The following SEMA3F variants were observed in gnomAD, a reference collection of about 807,000 sequenced individuals.
SEMA3F encodes the protein semaphorin 3F, also known as semaphorin-3F.
A neutral mutation model predicts 98.5 loss-of-function variants in SEMA3F; 30 were observed. The ratio of observed to expected loss-of-function variants is 0.30; its 90% CI spans 0.23 to 0.41. The LOEUF is 0.41. Among genes scored for constraint, SEMA3F ranks in the 10% least tolerant of loss-of-function variants. The pLI is 1.00. For synonymous variants in SEMA3F, 380 were observed against 444.8 expected, an observed-to-expected ratio of 0.85 and a Z score of 1.83; for missense variants, 866 against 1,119.3, an observed-to-expected ratio of 0.77 and a Z score of 3.23.
intron 5 of SEMA3F, among the ~76,000 whole-genome samples, chr3:50,174,853 A>G (rs1206512845): frequency 6.6e-6 from 1 of 152,006 alleles, no homozygotes; most frequent in South Asian, 2.1e-4. Flanking sequence ...CCATGTGGGC[A>G]TGTGTGTGAG....
rs1262134345 is a variant in SEMA3F, at chr3:50,186,695, A to C, written c.1896A>C (p.Gln632His). ...AFLECQPRSP[Q>H]ATVKWLFQRD... ...TTGAGTGCCAGCCCCGCTCGCCCCA[A>C]GCCACTGTTAAGTGGCTGTTCCAGC... Residue 632 changes from glutamine to histidine, a missense_variant, in exon 18 of 19, where the codon CAA (glutamine) becomes CAC (histidine). By Grantham distance (24) the Gln-to-His change is conservative. Around this residue, in one of 3 missense-constraint regions of SEMA3F, gnomAD observed 245 missense variants for 260.5 expected, o/e 0.94. Coordinates refer to ENST00000002829, the MANE Select transcript of SEMA3F (RefSeq NM_004186.5). The C allele has an allele frequency of 6.2e-7, 1 of 1,610,344 alleles. No homozygotes were observed. The highest frequency in any genetic ancestry group is 8.5e-7 in the Non-Finnish European group (1 of 1,176,978).
In SEMA3F at chr3:50,176,522, G is replaced by A. The variant is rs548085183; in HGVS notation, c.550-246G>A. Among the ~76,000 whole-genome samples, 59 of 152,322 alleles carry A rather than the reference G, an allele frequency of 3.9e-4. 2 individuals carry two copies. The South Asian group carries it at 0.012, about 30-fold the overall frequency. On this transcript the variant is annotated intron_variant, in intron 6 of 18. Transcript: ENST00000002829. ...CATAGCCCACAAGGCAGGGCCCCTTGAGACTTGGTCCCCAGGTCTTCCCTA... is the reference window on the plus strand; with the variant it reads ...CATAGCCCACAAGGCAGGGCCCCTTAAGACTTGGTCCCCAGGTCTTCCCTA...
At chr3:50,178,834 T>C (rs1420092362) in intron 7 of SEMA3F, among the ~76,000 whole-genome samples, 3 of 136,086 alleles carry the variant, frequency 2.2e-5, no homozygotes, top group African/African-American at 5.4e-5. Flanking sequence ...TTTTTCTTTT[T>C]TTTTTTTTTT....
In SEMA3F at chr3:50,159,804, C is replaced by T. The variant is rs569651212; in HGVS notation, c.112+70C>T. On this transcript the variant is annotated intron_variant, in intron 2 of 18. Transcript: ENST00000002829. ...CAATAGCGCTCGGCTCCTCTGCACA[C>T]GAGAGAAAGGGTGGGTCAGGACAAA... 2.3e-5 allele frequency: 24 copies of T among 1,045,220 alleles called. No homozygotes were observed. In the African/African-American group the frequency reaches 2.4e-4, roughly 10 times the overall value. The allele number at this position is 1,045,220 out of a possible 1,614,324, so 64.7% of individuals were successfully genotyped here.
At chr3:50,175,296 G>A in intron 6 of SEMA3F, 108 bp downstream of exon 6, 1 of 760,236 alleles carries the variant, frequency 1.3e-6, no homozygotes. Flanking sequence ...CTCTACCTCT[G>A]TGCCCACACC....
chr3:50,155,458 G>C lies in SEMA3F; in HGVS notation c.-155G>C, dbSNP rs923040137. On this transcript the variant is annotated 5_prime_UTR_variant, in exon 1 of 19. Transcript: ENST00000002829. This position sits in a 1 kb window ranked among gnomAD's most constrained non-coding sequence, Gnocchi z 4.9. ...CTGAGGCGCAGCGGCGAGAGGTCGC[G>C]GGCAGGGCCATGGCCCCGGGGGGCC... 7 of 295,090 alleles carry C rather than the reference G, an allele frequency of 2.4e-5. No homozygotes were observed. The highest frequency in any genetic ancestry group is 3.1e-5 in the Non-Finnish European group (5 of 161,586). The allele number at this position is 295,090 out of a possible 1,614,324, so 18.3% of individuals were successfully genotyped here.
At chr3:50,186,525 A>T in intron 17 of SEMA3F, 88 bp from the exon 18 acceptor site, 1 of 1,505,846 alleles carries the variant, frequency 6.6e-7, no homozygotes, top group Non-Finnish European at 9.1e-7. Context: ...TACATTGGTG[A>T]GTGGGTGCCC....
At chr3:50,186,109 GGGGGTGCATGTGATATTACCC>G (rs1699201002) in intron 16 of SEMA3F, 63 bp downstream of exon 16, 17 of 1,541,450 alleles carry the variant, frequency 1.1e-5, no homozygotes, top group Admixed American at 3.7e-5. Context: ...CTAGGGGATT[GGGGGTGCATGTGATATTACCC>G]GGGGTGCATG....
chr3:50,172,857 G>A (rs1252949760), intron 2 of SEMA3F, among the ~76,000 whole-genome samples: 4 of 152,140 alleles, frequency 2.6e-5, no homozygotes, highest in Non-Finnish European at 2.9e-5. Context: ...AGAGTCTGCC[G>A]GCTGTCCCAG....
intron 2 of SEMA3F, among the ~76,000 whole-genome samples, chr3:50,161,605 TTCCCCTG>T (rs1342238124): frequency 3.3e-5 from 5 of 152,210 alleles, no homozygotes; most frequent in African/African-American, 1.2e-4. Flanking sequence ...CACAGGCAGG[TTCCCCTG>T]CCCTGAATGA....
At chr3:50,183,899 A>C (rs1699112223) in intron 12 of SEMA3F, among the ~76,000 whole-genome samples, 1 of 151,970 alleles carries the variant, frequency 6.6e-6, no homozygotes, top group African/African-American at 2.4e-5. Context: ...ACAGGAGGCA[A>C]AGAGCTGGGG....
At chr3:50,185,361 C>A (rs1169413887) in intron 13 of SEMA3F, 82 bp from the exon 14 acceptor site, 2 of 1,345,012 alleles carry the variant, frequency 1.5e-6, no homozygotes, top group Non-Finnish European at 1.0e-6. Context: ...GGGGTTTGGG[C>A]CCTGGTGGGG....
intron 1 of SEMA3F, among the ~76,000 whole-genome samples, chr3:50,157,532 C>T (rs543335744): frequency 1.6e-4 from 25 of 152,176 alleles, no homozygotes; most frequent in Non-Finnish European, 3.4e-4. Context: ...ACAGGCATCT[C>T]GGGACTGGCA....
At position 50,158,658 on chromosome 3, in the gene SEMA3F, G is replaced by T. The variant is rs1698087647; in HGVS notation, c.-48-917G>T. ...CAGTCTCGATGCCCCCACCCGCAGT[G>T]CATCCGGTTGGGGGTGGTGGTAGGA... On this transcript the variant is annotated intron_variant, in intron 1 of 18. Transcript: ENST00000002829. The surrounding 1 kb of genome is among the most constrained non-coding windows in gnomAD (Gnocchi z 4.8). Among the ~76,000 whole-genome samples the T allele has an allele frequency of 6.6e-6, 1 of 152,244 alleles. No individual in the cohort carries two copies. The highest frequency in any genetic ancestry group is 1.5e-5 in the Non-Finnish European group (1 of 68,040).
rs59949761 is a variant in SEMA3F, at chr3:50,188,174, GATATAT to G, written c.*79_*84del. The G allele has an allele frequency of 1.4e-4, 42 of 299,238 alleles. No individual in the cohort carries two copies. The highest frequency in any genetic ancestry group is 1.0e-3 in the Middle Eastern group (1 of 960). 18.5% of individuals were successfully genotyped at this position (299,238 alleles called of 1,614,324 possible). ...AGCCCTTGTCCCTTTTAATATAAAA[GATATAT>G]ATATATATATATATATATAAAATAT... On this transcript the variant is annotated 3_prime_UTR_variant, in exon 19 of 19. Transcript: ENST00000002829. This position sits in a 1 kb window ranked among gnomAD's most constrained non-coding sequence, Gnocchi z 4.5.
In SEMA3F at chr3:50,182,561, G is replaced by A. The variant is rs1200154096; in HGVS notation, c.764-83G>A. 32 of 1,583,288 alleles carry A rather than the reference G, an allele frequency of 2.0e-5. No individual in the cohort carries two copies. Among genetic ancestry groups the A allele is most frequent in the Non-Finnish European group, 2.8e-5 (32 of 1,160,368 alleles). ...CTGGAGAGGAGTTGGGGGTGTTCTT[G>A]CACCTGGCTGGGGATTCTGTTGGAG... On this transcript the variant is annotated intron_variant, in intron 8 of 18. Transcript: ENST00000002829. This position sits in a 1 kb window ranked among gnomAD's most constrained non-coding sequence, Gnocchi z 4.5.
chr3:50,184,285 A>T (rs551124345), intron 12 of SEMA3F: 11 of 434,820 alleles, frequency 2.5e-5, no homozygotes, highest in African/African-American at 1.4e-4. Flanking sequence ...AGGAACAACC[A>T]GAGAGGAAGG....
At position 50,159,597 on chromosome 3, in the gene SEMA3F, T is replaced by C. The variant is rs1459492728; in HGVS notation, c.-26T>C. The C allele has an allele frequency of 1.4e-6, 2 of 1,435,284 alleles. No homozygotes were observed. Among genetic ancestry groups the C allele is most frequent in the Middle Eastern group, 1.8e-4 (1 of 5,714 alleles). 88.9% of individuals were successfully genotyped at this position (1,435,284 alleles called of 1,614,324 possible). On this transcript the variant is annotated 5_prime_UTR_variant, in exon 2 of 19. Transcript: ENST00000002829. ...CAGGTTTCTAGAGAGTGGAGCCTGC[T>C]TCCTGGGCCCTAGGCCCCTCCCACA...
Position 50,182,213 on chromosome 3 carries a change from G to A in SEMA3F, c.644-71G>A, listed in dbSNP as rs146516855. The A allele has an allele frequency of 2.9e-4, 463 of 1,607,184 alleles. 1 individual carries two copies. The East Asian group carries it at 8.8e-3, about 31-fold the overall frequency. ...AGCGGGGAGATAAGGCCCTGCCCTG[G>A]AAGTCATCTGAGCTGTGCCCTGGCC... On this transcript the variant is annotated intron_variant, in intron 7 of 18. Transcript: ENST00000002829. The surrounding 1 kb of genome is among the most constrained non-coding windows in gnomAD (Gnocchi z 4.5).
Sources: allele counts gnomAD v4.1 joint callset (sites outside exome capture counted in the v4.1 genomes callset), GRCh38; gene constraint gnomAD v4.1.1; regional missense constraint gnomAD v4.1.1; non-coding constraint Gnocchi (gnomAD v3.1); transcripts MANE v1.5; gene names NCBI Gene and HGNC (gene_info 2026-07-23, HGNC 2026-07-21).